MTFMT: variants seen among roughly 807,000 people sequenced by gnomAD.
MTFMT encodes mitochondrial methionyl-tRNA formyltransferase.
MTFMT carries 47 observed loss-of-function variants against 51.8 expected under a neutral mutation model. The ratio of observed to expected loss-of-function variants is 0.91; its 90% CI spans 0.72 to 1.16. MTFMT has a LOEUF of 1.16. Ranked by LOEUF, MTFMT falls within the 50% of genes most tolerant of loss-of-function variation. MTFMT has a pLI of 0.00. For synonymous variants in MTFMT, 196 were observed against 176.7 expected, an observed-to-expected ratio of 1.11 and a Z score of -0.87; for missense variants, 512 against 482.3, an observed-to-expected ratio of 1.06 and a Z score of -0.58.
chr15:65,007,668 T>C (rs8035428), intron 6 of MTFMT, among the ~76,000 whole-genome samples: 77,616 of 152,048 alleles, frequency 0.51, 20,965 homozygotes, highest in East Asian at 0.83. Context: ...AATATGATAA[T>C]CTCTTGCTGT....
chr15:65,029,584 AC>A lies in MTFMT; in HGVS notation c.29del (p.Gly10ValfsTer68). MRVLVRRCWGPPLAHGARRG... is the reference protein window; with the variant it reads MRVLVRRCWXPPLAHGARRG... ...GCCTGGCGCCATGAGCCAGCGGAGG[AC>A]CCCAACAGCGCCGCACCAACACCCT... On this transcript the variant is annotated frameshift_variant, in exon 1 of 9. Transcript: ENST00000220058. LOFTEE classifies it high-confidence loss of function. 6.7e-7 allele frequency: 1 copy of A among 1,487,142 alleles called. No individual in the cohort carries two copies. The allele number at this position is 1,487,142 out of a possible 1,614,324, so 92.1% of individuals were successfully genotyped here.
chr15:65,004,450 A>G (rs940426772), intron 8 of MTFMT, among the ~76,000 whole-genome samples: 1 of 152,232 alleles, frequency 6.6e-6, no homozygotes, highest in Non-Finnish European at 1.5e-5. Context: ...AAGTTATTTT[A>G]AAAAGTTCAG....
At chr15:65,025,087 G>C (rs1042114455) in intron 2 of MTFMT, among the ~76,000 whole-genome samples, 36 of 152,202 alleles carry the variant, frequency 2.4e-4, no homozygotes, top group African/African-American at 8.7e-4. Context: ...GACATGATCT[G>C]ACTTGTTTTA....
chr15:65,025,714 G>A (rs1185668813), intron 2 of MTFMT, among the ~76,000 whole-genome samples: 1 of 152,168 alleles, frequency 6.6e-6, no homozygotes, highest in Non-Finnish European at 1.5e-5. Flanking sequence ...GAGATGCTTT[G>A]GGTATCTTGA....
intron 5 of MTFMT, among the ~76,000 whole-genome samples, chr15:65,018,068 T>A (rs2086339309): frequency 6.6e-6 from 1 of 152,166 alleles, no homozygotes; most frequent in South Asian, 2.1e-4. Flanking sequence ...TCTATGAGTG[T>A]ACCTTTTTAA....
chr15:65,019,278 G>A (rs2086350639), intron 5 of MTFMT, among the ~76,000 whole-genome samples: 1 of 152,166 alleles, frequency 6.6e-6, no homozygotes, highest in Non-Finnish European at 1.5e-5. Context: ...GGTACCTTAA[G>A]ACTGTAGGGG....
chr15:65,004,080 G>A (rs1048869935), intron 8 of MTFMT, among the ~76,000 whole-genome samples: 1 of 151,536 alleles, frequency 6.6e-6, no homozygotes, highest in South Asian at 2.1e-4. Flanking sequence ...GTGATGGCAC[G>A]ATCTCGGCTC....
Position 65,015,314 on chromosome 15 carries a change from C to T in MTFMT, c.813+1122G>A, listed in dbSNP as rs116405371. Among the ~76,000 whole-genome samples, 1,057 of 152,224 alleles carry T rather than the reference C, an allele frequency of 6.9e-3. 49 individuals carry two copies. The South Asian group carries it at 0.12, about 18-fold the overall frequency. Reference sequence around the variant, plus strand: ...ATAGGATTTGAAGTAAGATAGATCTCGTTCAAAACCTGACTCTGACTTTCA... The same window carrying T: ...ATAGGATTTGAAGTAAGATAGATCTTGTTCAAAACCTGACTCTGACTTTCA... On this transcript the variant is annotated intron_variant, in intron 6 of 8. Coordinates refer to ENST00000220058, the MANE Select transcript of MTFMT (RefSeq NM_139242.4).
Position 65,023,797 on chromosome 15 carries a change from G to A in MTFMT, c.420-3C>T. On this transcript the variant is annotated splice_polypyrimidine_tract_variant and splice_region_variant and intron_variant, in intron 2 of 8. Coordinates refer to ENST00000220058, the MANE Select transcript of MTFMT (RefSeq NM_139242.4). ...TGGGATGAACATTCAATATGCCACT[G>A]AGTTAGAAAATGTAGAAATTAGTAT... The A allele has an allele frequency of 6.2e-7, 1 of 1,608,706 alleles. No individual in the cohort carries two copies. The highest frequency in any genetic ancestry group is 8.5e-7 in the Non-Finnish European group (1 of 1,176,642).
At chr15:65,012,693 C>A (rs1276372836) in intron 6 of MTFMT, among the ~76,000 whole-genome samples, 2 of 152,198 alleles carry the variant, frequency 1.3e-5, no homozygotes, top group Non-Finnish European at 2.9e-5. Flanking sequence ...AGCCATCATG[C>A]CTGGCTTATT....
rs1039645269 is a variant in MTFMT, at chr15:65,027,013, G to T, written c.237C>A (p.Asp79Glu). Reference sequence around the variant, plus strand: ...AAGGCATTGTGACCACCTCCAGTTTGTCGATTAACTCTTCTTCTTTGTTTT... The same window carrying T: ...AAGGCATTGTGACCACCTCCAGTTTTTCGATTAACTCTTCTTCTTTGTTTT... ...ARENKEEELI[D>E]KLEVVTMPSP... The change falls in exon 2 of 9, where the codon GAC becomes GAA. Residue 79 changes from aspartate to glutamate, a missense_variant. Asp to Glu is a conservative substitution (Grantham distance 45). Transcript: ENST00000220058. The T allele has an allele frequency of 1.2e-6, 2 of 1,613,752 alleles. No individual in the cohort carries two copies. Among genetic ancestry groups the T allele is most frequent in the Admixed American group, 1.7e-5 (1 of 59,972 alleles).
In MTFMT at chr15:65,001,719, AAGAAAG is replaced by A. The variant is rs2086178040; in HGVS notation, c.*1337_*1342del. 6.6e-6 allele frequency: 1 copy of A among 152,032 alleles called. No individual in the cohort carries two copies. Among genetic ancestry groups the A allele is most frequent in the South Asian group, 2.1e-4 (1 of 4,816 alleles). The allele number at this position is 152,032 out of a possible 1,614,324, so 9.4% of individuals were successfully genotyped here. A position where few individuals can be genotyped will look rare whatever the true frequency, so the allele number is the denominator to read the frequency against. ...CTCTACAAAATTTTTTTTAAAAACT[AAGAAAG>A]AAAATTAGCCAGGCGTGGTGGCCCC... On this transcript the variant is annotated 3_prime_UTR_variant, in exon 9 of 9. Transcript: ENST00000220058.
intron 1 of MTFMT, 22 bp from the exon 2 acceptor site, chr15:65,027,062 A>C: frequency 6.3e-7 from 1 of 1,581,638 alleles, no homozygotes; most frequent in Non-Finnish European, 8.7e-7. Context: ...AGGAAGAAAA[A>C]TGTGACAGTG....
At chr15:65,015,197 C>A (rs1342084411) in intron 6 of MTFMT, among the ~76,000 whole-genome samples, 2 of 152,046 alleles carry the variant, frequency 1.3e-5, no homozygotes, top group African/African-American at 4.8e-5. Context: ...GAGTCTACGA[C>A]GTTAGGAAGT....
chr15:65,013,948 A>AC lies in MTFMT; in HGVS notation c.813+2487_813+2488insG, dbSNP rs1555403354. On this transcript the variant is annotated intron_variant, in intron 6 of 8. Transcript: ENST00000220058. ...ACAGGGCGAGACACCATCTCAAAAA[A>AC]AAAAAACAAAAAACAAAAAACAAAA... Among the ~76,000 whole-genome samples, 481 of 152,128 alleles carry AC rather than the reference A, an allele frequency of 3.2e-3. 1 individual carries two copies. Among genetic ancestry groups the AC allele is most frequent in the African/African-American group, 0.011 (460 of 41,496 alleles).
chr15:65,006,781 T>C (rs1434144381), intron 6 of MTFMT, among the ~76,000 whole-genome samples: 1 of 152,210 alleles, frequency 6.6e-6, no homozygotes, highest in Middle Eastern at 3.2e-3. Context: ...AAGCATTACA[T>C]TATGTTAAAA....
At chr15:65,003,329 A>G in intron 8 of MTFMT, 73 bp from the exon 9 acceptor site, 1 of 1,198,852 alleles carries the variant, frequency 8.3e-7, no homozygotes, top group Admixed American at 2.2e-5. Context: ...ATTAGTTTAT[A>G]AAATTTTTAT....
At chr15:65,010,449 T>C (rs1027746179) in intron 6 of MTFMT, among the ~76,000 whole-genome samples, 2 of 152,206 alleles carry the variant, frequency 1.3e-5, no homozygotes, top group Non-Finnish European at 2.9e-5. Flanking sequence ...TTCATATAAA[T>C]GGAATAATAA....
rs1375484602 is a variant in MTFMT, at chr15:65,002,401, T to C, written c.*661A>G. The C allele has an allele frequency of 6.6e-6, 1 of 151,964 alleles. No individual in the cohort carries two copies. Among genetic ancestry groups the C allele is most frequent in the Admixed American group, 6.6e-5 (1 of 15,236 alleles). The allele number at this position is 151,964 out of a possible 1,614,324, so 9.4% of individuals were successfully genotyped here. A position where few individuals can be genotyped will look rare whatever the true frequency, so the allele number is the denominator to read the frequency against. The stretch of plus-strand genomic sequence containing the variant: ...CTGGGCCACAGAACAAGACTCCGTC[T>C]CAAAAAAATAAAAATAAAAACAAAA... On this transcript the variant is annotated 3_prime_UTR_variant, in exon 9 of 9. Coordinates refer to ENST00000220058, the MANE Select transcript of MTFMT (RefSeq NM_139242.4).
Sources: allele counts gnomAD v4.1 joint callset (sites outside exome capture counted in the v4.1 genomes callset), GRCh38; gene constraint gnomAD v4.1.1; transcripts MANE v1.5; gene names NCBI Gene and HGNC (gene_info 2026-07-23, HGNC 2026-07-21).